Variants in SECISBP2 observed in about 807,000 individuals in gnomAD.
SECISBP2 encodes the protein SECIS binding protein 2, also known as selenocysteine insertion sequence-binding protein 2.
A neutral mutation model predicts 98.2 loss-of-function variants in SECISBP2; 96 were observed. That is an observed-to-expected ratio of 0.98 (90% CI 0.83 to 1.16). The LOEUF is 1.16. SECISBP2 is among the 50% of genes most tolerant of loss of function. The probability of loss-of-function intolerance (pLI) is 0.00; values close to 1 mark genes in which losing one functional copy is unlikely to be tolerated. For synonymous variants in SECISBP2, 407 were observed against 370.2 expected, an observed-to-expected ratio of 1.10 and a Z score of -1.14; for missense variants, 1,046 against 1,022.9, an observed-to-expected ratio of 1.02 and a Z score of -0.31.
At position 89,329,238 on chromosome 9, in the gene SECISBP2, G is replaced by A. The variant is rs571108979; in HGVS notation, c.801+352G>A. 41 of 271,806 alleles carry A rather than the reference G, an allele frequency of 1.5e-4. No homozygotes were observed. The South Asian group carries it at 1.5e-3, about 10-fold the overall frequency. The allele number at this position is 271,806 out of a possible 1,614,324, so 16.8% of individuals were successfully genotyped here. A position where few individuals can be genotyped will look rare whatever the true frequency, so the allele number is the denominator to read the frequency against. ...AGCAATTCTCCTGCCTCAGCCTCTC[G>A]AGTAGCTGGGACTACGGGCGCACAC... On this transcript the variant is annotated intron_variant, in intron 5 of 16. Transcript: ENST00000375807.
In SECISBP2 at chr9:89,338,513, A is replaced by G. The variant is rs1183314780; in HGVS notation, c.1145A>G (p.Lys382Arg). 4 of 1,613,278 alleles carry G rather than the reference A, an allele frequency of 2.5e-6. No homozygotes were observed. Among genetic ancestry groups the G allele is most frequent in the Non-Finnish European group, 3.4e-6 (4 of 1,179,780 alleles). Residue 382 changes from lysine to arginine, a missense_variant, in exon 8 of 17, where the codon AAG (lysine) becomes AGG (arginine). Transcript: ENST00000375807. ...CAAAATGAAGCCTCAAGAAAGAATA[A>G]GAAAAAGAAAGAAAAATCTACATCA... ...LEQNEASRKN[K>R]KKKEKSTSKY...
chr9:89,363,086 C>G (rs893961381), downstream of SECISBP2, among the ~76,000 whole-genome samples: 1 of 152,184 alleles, frequency 6.6e-6, no homozygotes, highest in African/African-American at 2.4e-5. Flanking sequence ...GTTTCCTGCC[C>G]TCCTCAAAGG....
intron 7 of SECISBP2, 40 bp downstream of exon 7, chr9:89,334,770 C>T (rs1372152630): frequency 1.4e-6 from 2 of 1,458,142 alleles, no homozygotes; most frequent in East Asian, 4.5e-5. Context: ...TGGTGGTTGC[C>T]AGGGGCTCAG....
intron 5 of SECISBP2, among the ~76,000 whole-genome samples, chr9:89,331,333 C>A (rs570961670): frequency 6.6e-6 from 1 of 152,152 alleles, no homozygotes; most frequent in African/African-American, 2.4e-5. Context: ...TAAGCTATTT[C>A]TAATTTTTTA....
intron 1 of SECISBP2, chr9:89,318,830 C>T: frequency 7.8e-7 from 1 of 1,277,904 alleles, no homozygotes; most frequent in Non-Finnish European, 9.9e-7. Flanking sequence ...ACAGTTAGCG[C>T]CGCGTCTGTG....
chr9:89,361,714 C>G (rs1409422932), downstream of SECISBP2: 1 of 152,314 alleles, frequency 6.6e-6, no homozygotes, highest in Admixed American at 6.5e-5. Flanking sequence ...GGGACAGAGG[C>G]ATAAACTGCA....
chr9:89,335,065 A>G (rs1828406467), intron 7 of SECISBP2, among the ~76,000 whole-genome samples: 1 of 151,858 alleles, frequency 6.6e-6, no homozygotes, highest in African/African-American at 2.4e-5. Context: ...AATACAAACA[A>G]ATTACCTGGG....
At chr9:89,353,830 C>T (rs1210076850) in intron 14 of SECISBP2, among the ~76,000 whole-genome samples, 2 of 152,322 alleles carry the variant, frequency 1.3e-5, no homozygotes, top group Admixed American at 6.5e-5. Flanking sequence ...TTTACTTGAT[C>T]AGCATCATAA....
At chr9:89,338,708 T>C (rs1235185539) in intron 8 of SECISBP2, 128 bp downstream of exon 8, 3 of 986,692 alleles carry the variant, frequency 3.0e-6, no homozygotes, top group South Asian at 3.1e-5. Context: ...TTTGTAGTGC[T>C]AAAGAAAACA....
intron 1 of SECISBP2, chr9:89,318,986 C>T: frequency 6.5e-6 from 7 of 1,069,184 alleles, no homozygotes; most frequent in Non-Finnish European, 7.9e-6. Flanking sequence ...TCATTCTCCG[C>T]TCTACGTACT....
At chr9:89,340,152 T>G (rs781269227) in intron 9 of SECISBP2, among the ~76,000 whole-genome samples, 199 bp downstream of exon 9, 4 of 152,158 alleles carry the variant, frequency 2.6e-5, no homozygotes, top group Non-Finnish European at 2.9e-5. Context: ...TATTTGATAA[T>G]AAGACTTATT....
intron 4 of SECISBP2, among the ~76,000 whole-genome samples, chr9:89,327,704 A>G (rs1461652942): frequency 6.6e-6 from 1 of 152,136 alleles, no homozygotes; most frequent in Admixed American, 6.5e-5. Context: ...GGACAGTAAC[A>G]TGCGTGGAGC....
chr9:89,336,002 T>G (rs185404922), intron 7 of SECISBP2, among the ~76,000 whole-genome samples: 172 of 152,100 alleles, frequency 1.1e-3, no homozygotes, highest in African/African-American at 4.0e-3. Context: ...GTGTCACTAA[T>G]TTTTGGTTAA....
rs1249080155 is a variant in SECISBP2, at chr9:89,325,996, T to C, written c.532T>C (p.Ser178Pro). 6.2e-7 allele frequency: 1 copy of C among 1,613,896 alleles called. No homozygotes were observed. Among genetic ancestry groups the C allele is most frequent in the African/African-American group, 1.3e-5 (1 of 75,052 alleles). The change falls in exon 4 of 17, where the codon TCA (serine) becomes CCA (proline). Residue 178 changes from serine (S) to proline (P), a missense_variant. Ser to Pro is a moderately conservative substitution (Grantham distance 74, BLOSUM62 -1). Transcript: ENST00000375807. The stretch of plus-strand genomic sequence containing the variant: ...ATCTGAGATAAAATCAGCTAGAGGT[T>C]CACATCATTTGTCCATTTACGCTGA... Reference protein sequence around the residue: ...ISSEIKSARGSHHLSIYAENS... With the variant: ...ISSEIKSARGPHHLSIYAENS...
chr9:89,342,782 T>C (rs1313200792), intron 10 of SECISBP2, among the ~76,000 whole-genome samples: 1 of 152,162 alleles, frequency 6.6e-6, no homozygotes, highest in African/African-American at 2.4e-5. Flanking sequence ...TAGTGAGTTA[T>C]TATTAATGGG....
At chr9:89,325,766 A>C in intron 3 of SECISBP2, 90 bp downstream of exon 3, 1 of 1,596,678 alleles carries the variant, frequency 6.3e-7, no homozygotes, top group Non-Finnish European at 8.6e-7. Context: ...CATCATATTT[A>C]AGTATCATGT....
chr9:89,322,705 T>C lies in SECISBP2; in HGVS notation c.183-2722T>C, dbSNP rs1055292691. The C allele has an allele frequency of 7.2e-5, 11 of 152,250 alleles. No individual in the cohort carries two copies. In the South Asian group the frequency reaches 8.3e-4, roughly 11 times the overall value. 9.4% of individuals were successfully genotyped at this position (152,250 alleles called of 1,614,324 possible). A position where few individuals can be genotyped will look rare whatever the true frequency, so the allele number is the denominator to read the frequency against. On this transcript the variant is annotated intron_variant, in intron 2 of 16. Transcript: ENST00000375807. The stretch of plus-strand genomic sequence containing the variant: ...GAAGAACTAGTGGTATACAACATTG[T>C]ACAGCTGAGCACGTGGCTCGGTGGG...
intron 16 of SECISBP2, 137 bp downstream of exon 16, chr9:89,358,328 C>T (rs1832415472): frequency 1.2e-6 from 1 of 863,896 alleles, no homozygotes; most frequent in Non-Finnish European, 1.9e-6. Context: ...CAGCCCATTG[C>T]CTAAGAGGTA....
Position 89,328,883 on chromosome 9 carries a change from A to G in SECISBP2, c.798A>G (p.Ser266=). The change falls in exon 5 of 17, where the codon TCA becomes TCG. Residue 266 remains serine, a synonymous_variant. Transcript: ENST00000375807. Reference sequence around the variant, plus strand: ...TAGTAAAACCAGCTGCAGTGTTATCAAAGGTGAGGTGAGGGTTTCTCTCTT... The same window carrying G: ...TAGTAAAACCAGCTGCAGTGTTATCGAAGGTGAGGTGAGGGTTTCTCTCTT... ...REVVKPAAVL[S]KGEIVVKNNP... 1 of 1,611,240 alleles carries G rather than the reference A, an allele frequency of 6.2e-7. No homozygotes were observed. The highest frequency in any genetic ancestry group is 2.2e-5 in the East Asian group (1 of 44,860).
Sources: gnomAD v4.1 joint callset for allele counts (sites outside exome capture counted in the v4.1 genomes callset) on GRCh38, gnomAD v4.1.1 for gene constraint, MANE v1.5 for transcripts, NCBI Gene and HGNC (gene_info 2026-07-23, HGNC 2026-07-21) for gene names.